Variants in RGL1 observed in about 807,000 individuals in gnomAD.
RGL1 encodes ral guanine nucleotide dissociation stimulator-like 1.
Under a neutral mutation model 95.2 loss-of-function variants are expected in RGL1, and 24 were observed. The observed-to-expected ratio is 0.25, with a 90% CI of 0.18 to 0.35. The LOEUF is 0.35. Among genes scored for constraint, RGL1 ranks in the 10% least tolerant of loss-of-function variants. The pLI, the probability that RGL1 is intolerant of heterozygous loss-of-function variation, is 1.00. For missense variants in RGL1, 715 were observed against 936.3 expected (o/e 0.76, Z 3.08); for synonymous variants, 329 against 344.9 (o/e 0.95, Z 0.51).
intron 1 of RGL1, among the ~76,000 whole-genome samples, chr1:183,733,263 A>C (rs1256511470): frequency 6.6e-6 from 1 of 152,182 alleles, no homozygotes; most frequent in African/African-American, 2.4e-5. Context: ...TTTACTGATA[A>C]AAATGTCACT....
chr1:183,657,600 T>A (rs1213503000), intron 1 of RGL1, among the ~76,000 whole-genome samples: 4 of 151,898 alleles, frequency 2.6e-5, no homozygotes, highest in East Asian at 3.9e-4. Context: ...TTCATCCATG[T>A]CCCTACAAAG....
intron 2 of RGL1, among the ~76,000 whole-genome samples, chr1:183,772,027 C>A (rs958307935): frequency 6.6e-6 from 1 of 152,218 alleles, no homozygotes; most frequent in Non-Finnish European, 1.5e-5. Flanking sequence ...CCAGGGCAGT[C>A]GGAGGAGAGC....
In RGL1 at chr1:183,719,394, T is replaced by C. The variant is rs530193902; in HGVS notation, c.-32-22732T>C. ...GATTTTCCTTCTCTCCCTGTGCACG[T>C]GTACCTCTAGAGTGTAGGGAGATGC... On this transcript the variant is annotated intron_variant, in intron 1 of 18. Transcript: ENST00000304685. 4.6e-5 allele frequency among the ~76,000 whole-genome samples: 7 copies of C among 152,314 alleles called. No individual in the cohort carries two copies. In the South Asian group the frequency reaches 1.4e-3, roughly 32 times the overall value.
chr1:183,776,811 G>A (rs1169012249), intron 2 of RGL1, among the ~76,000 whole-genome samples: 1 of 152,158 alleles, frequency 6.6e-6, no homozygotes, highest in East Asian at 1.9e-4. Context: ...GTACCTCCTG[G>A]GGAGAGTTCA....
chr1:183,778,298 G>A (rs1295319510), intron 2 of RGL1, among the ~76,000 whole-genome samples: 1 of 152,126 alleles, frequency 6.6e-6, no homozygotes, highest in Non-Finnish European at 1.5e-5. Context: ...GAATTATACA[G>A]TAAAGAAGAA....
chr1:183,874,200 G>GGAGGAACCTGGGGTGTAGGTT (rs1553299955), intron 4 of RGL1, among the ~76,000 whole-genome samples: 19 of 152,110 alleles, frequency 1.2e-4, no homozygotes, highest in Middle Eastern at 3.4e-3. Context: ...ATTTTACAGA[G>GGAGGAACCTGGGGTGTAGGTT]GAGGAACCTG....
intron 14 of RGL1, among the ~76,000 whole-genome samples, chr1:183,911,641 A>G (rs1668647433): frequency 1.3e-5 from 2 of 152,344 alleles, no homozygotes; most frequent in East Asian, 3.9e-4. Context: ...TGTTTTATAG[A>G]GGAAGCATTT....
intron 2 of RGL1, among the ~76,000 whole-genome samples, chr1:183,769,430 T>C (rs1926835): frequency 0.44 from 66,392 of 152,174 alleles, 15,620 homozygotes; most frequent in East Asian, 0.76. Context: ...ACTTTTATCT[T>C]ACCAATAATT....
rs752288611 is a variant in RGL1, at chr1:183,880,658, A to G, written c.468A>G (p.Ala156=). 6.8e-6 allele frequency: 11 copies of G among 1,613,832 alleles called. No homozygotes were observed. The highest frequency in any genetic ancestry group is 2.2e-5 in the South Asian group (2 of 91,078). Residue 156 remains alanine (A), a synonymous_variant, in exon 5 of 18, where the codon GCA becomes GCG. Transcript: ENST00000360851. ...TAAGGGCCTGGCTTGACCAGTGTGC[A>G]GAAGACTTCCGAGAGCCCCCTCACT... is the stretch of plus-strand genomic sequence containing the variant. ...SILRAWLDQC[A]EDFREPPHFP...
chr1:183,811,103 T>A (rs1292552763), intron 2 of RGL1, among the ~76,000 whole-genome samples: 3 of 152,186 alleles, frequency 2.0e-5, no homozygotes, highest in Admixed American at 6.5e-5. Context: ...CATGAAGATG[T>A]TCACTTACAA....
chr1:183,895,790 A>G lies in RGL1; in HGVS notation c.1141-2018A>G, dbSNP rs187983142. On this transcript the variant is annotated intron_variant, in intron 9 of 17. Transcript: ENST00000360851. ...TTCAGTTGACACCTCATTTGGAATA[A>G]TAGGGACTCGTCGGTCTTTTTAGAT... 2.6e-3 allele frequency among the ~76,000 whole-genome samples: 392 copies of G among 152,284 alleles called. 1 individual carries two copies. Among genetic ancestry groups the G allele is most frequent in the African/African-American group, 9.1e-3 (379 of 41,556 alleles).
chr1:183,833,383 A>G (rs1408380708), intron 2 of RGL1, among the ~76,000 whole-genome samples: 1 of 152,198 alleles, frequency 6.6e-6, no homozygotes, highest in Non-Finnish European at 1.5e-5. Context: ...AGGGTAATCA[A>G]TAGAGATTCT....
intron 1 of RGL1, among the ~76,000 whole-genome samples, chr1:183,708,320 C>T (rs558848467): frequency 6.6e-6 from 1 of 152,270 alleles, no homozygotes; most frequent in South Asian, 2.1e-4. Context: ...GAGCGATCGT[C>T]ACTGCTGCCT....
rs1464994427 is a variant in RGL1, at chr1:183,706,358, G to A, written c.-32-35768G>A. On this transcript the variant is annotated intron_variant, in intron 1 of 18. Coordinates refer to the RGL1 transcript ENST00000304685. ...AAAATTAGGTAAAGCAGAGTAGGTT[G>A]CCCTGGTATTAATTAAAAAACATAC... Among the ~76,000 whole-genome samples, 15 of 152,202 alleles carry A rather than the reference G, an allele frequency of 9.9e-5. 1 individual carries two copies. The highest frequency in any genetic ancestry group is 1.5e-4 in the Non-Finnish European group (10 of 68,034).
intron 2 of RGL1, among the ~76,000 whole-genome samples, chr1:183,791,754 A>G (rs1219729180): frequency 6.6e-6 from 1 of 152,246 alleles, no homozygotes; most frequent in Non-Finnish European, 1.5e-5. Context: ...CATTGACTGT[A>G]TTCCAAGACT....
chr1:183,663,132 C>T (rs1189157937), intron 1 of RGL1, among the ~76,000 whole-genome samples: 62 of 151,648 alleles, frequency 4.1e-4, no homozygotes, highest in South Asian at 3.8e-3. Flanking sequence ...TAGGCATTAC[C>T]ATTCAGGACA....
At chr1:183,904,740 C>T in intron 12 of RGL1, 110 bp from the exon 13 acceptor site, 1 of 1,178,296 alleles carries the variant, frequency 8.5e-7, no homozygotes. Flanking sequence ...AGATGGTTTT[C>T]TTCATCTTTT....
rs1195436264 is a variant in RGL1 at position 183,648,547 on chromosome 1, C to G, written c.-33+12046C>G. 5.0e-6 allele frequency: 8 copies of G among 1,614,000 alleles called. No individual in the cohort carries two copies. The East Asian group carries it at 1.8e-4, about 36-fold the overall frequency. ...CAACTGCTAGCATGGCCCTTTTGCA[C>G]CAGGCTACCAGAAGAAGTTTTTAGT... On this transcript the variant is annotated intron_variant, in intron 1 of 18. Coordinates refer to the RGL1 transcript ENST00000304685.
intron 3 of RGL1, among the ~76,000 whole-genome samples, chr1:183,859,277 G>A (rs952730644): frequency 6.6e-6 from 1 of 152,174 alleles, no homozygotes; most frequent in Non-Finnish European, 1.5e-5. Flanking sequence ...GGCTTGGAAT[G>A]GAAAATAGAA....
Sources: gnomAD v4.1 joint callset for allele counts (sites outside exome capture counted in the v4.1 genomes callset) on GRCh38, gnomAD v4.1.1 for gene constraint, MANE v1.5 for transcripts, NCBI Gene and HGNC (gene_info 2026-07-23, HGNC 2026-07-21) for gene names.